Variants in PRKAG2 observed in about 807,000 individuals in gnomAD.
PRKAG2 encodes the protein protein kinase AMP-activated non-catalytic subunit gamma 2, also known as 5'-AMP-activated protein kinase subunit gamma-2.
PRKAG2 carries 26 observed loss-of-function variants against 69.6 expected under a neutral mutation model. The observed-to-expected ratio is 0.37, with a 90% confidence interval of 0.27 to 0.52. PRKAG2 has a LOEUF of 0.52. PRKAG2 is among the 20% of genes least tolerant of loss of function. PRKAG2 has a pLI of 0.90. For synonymous variants in PRKAG2, 293 were observed against 285.0 expected, an observed-to-expected ratio of 1.03 and a Z score of -0.28; for missense variants, 557 against 740.0, an observed-to-expected ratio of 0.75 and a Z score of 2.87.
chr7:151,811,444 C>T lies in PRKAG2; in HGVS notation c.115-24903G>A, dbSNP rs144661936. On this transcript the variant is annotated intron_variant, in intron 1 of 15. Coordinates refer to ENST00000287878, the MANE Select transcript of PRKAG2 (RefSeq NM_016203.4). ...CCTCTGGGGTGAAGAAGGAACACCC[C>T]CCAGTTCTTGGGCATCAGGTGCTTG... Among the ~76,000 whole-genome samples, 661 of 152,360 alleles carry T rather than the reference C, an allele frequency of 4.3e-3. 3 individuals carry two copies. Among genetic ancestry groups the T allele is most frequent in the Non-Finnish European group, 6.7e-3 (458 of 68,030 alleles).
chr7:151,815,503 C>A (rs1303869653), intron 1 of PRKAG2, among the ~76,000 whole-genome samples: 1 of 152,190 alleles, frequency 6.6e-6, no homozygotes, highest in Non-Finnish European at 1.5e-5. Flanking sequence ...CTAGGGACAG[C>A]CCCTGTACCC....
At chr7:151,736,362 G>C in intron 3 of PRKAG2, 1 of 1,038,530 alleles carries the variant, frequency 9.6e-7, no homozygotes, top group South Asian at 3.8e-5. Flanking sequence ...AAGGTCAGCT[G>C]CTCACTGATA....
intron 3 of PRKAG2, among the ~76,000 whole-genome samples, chr7:151,678,973 GA>G (rs1457750230): frequency 6.6e-6 from 1 of 151,196 alleles, no homozygotes; most frequent in Non-Finnish European, 1.5e-5. Flanking sequence ...CAAAAAAAAA[GA>G]AAAAAAAGAA....
intron 6 of PRKAG2, among the ~76,000 whole-genome samples, chr7:151,592,582 C>T (rs73727865): frequency 0.036 from 5,412 of 152,246 alleles, 307 homozygotes; most frequent in African/African-American, 0.12. Flanking sequence ...GCAAGTGGCT[C>T]GCCTTGGTCC....
At chr7:151,706,814 C>G (rs958874101) in intron 3 of PRKAG2, among the ~76,000 whole-genome samples, 4 of 152,228 alleles carry the variant, frequency 2.6e-5, no homozygotes, top group African/African-American at 9.6e-5. Flanking sequence ...CTTCTCCAAC[C>G]TGAGCCGGAG....
In PRKAG2 at chr7:151,699,120, T is replaced by C. The variant is rs537916274; in HGVS notation, c.467-23483A>G. ...TCTGGGGAGCACCCCTCAATGCCCT[T>C]AGGCCACCTTTCCTTCTCTGACCTC... is the stretch of plus-strand genomic sequence containing the variant. On this transcript the variant is annotated intron_variant, in intron 3 of 15. Transcript: ENST00000287878. This position sits in a 1 kb window ranked among gnomAD's most constrained non-coding sequence, Gnocchi z 4.5. Among the ~76,000 whole-genome samples, 33 of 152,014 alleles carry C rather than the reference T, an allele frequency of 2.2e-4. No individual in the cohort carries two copies. The highest frequency in any genetic ancestry group is 6.3e-4 in the African/African-American group (26 of 41,504).
rs115380919 is a variant in PRKAG2 at position 151,767,123 on chromosome 7, G to A, written c.466+14029C>T. Among the ~76,000 whole-genome samples the A allele has an allele frequency of 7.4e-3, 1,128 of 152,264 alleles. 10 individuals are homozygous for A. Among genetic ancestry groups the A allele is most frequent in the African/African-American group, 0.026 (1,081 of 41,534 alleles). ...TGGAAAAACCTCTGTGAAGATGAAG[G>A]CGGAGACTGGGGGCTGTGCTTCCAA... On this transcript the variant is annotated intron_variant, in intron 3 of 15. Coordinates refer to ENST00000287878, the MANE Select transcript of PRKAG2 (RefSeq NM_016203.4).
chr7:151,594,012 T>C (rs980178349), intron 6 of PRKAG2, among the ~76,000 whole-genome samples: 4 of 152,002 alleles, frequency 2.6e-5, no homozygotes, highest in Non-Finnish European at 5.9e-5. Flanking sequence ...GTGTGGGGCA[T>C]GGGAACAGAA....
At chr7:151,782,517 A>G (rs2076771223) in intron 2 of PRKAG2, among the ~76,000 whole-genome samples, 1 of 152,222 alleles carries the variant, frequency 6.6e-6, no homozygotes, top group Non-Finnish European at 1.5e-5. Flanking sequence ...GGCTTAAAAA[A>G]TTATCAGACC....
chr7:151,830,698 C>T (rs971463123), intron 1 of PRKAG2, among the ~76,000 whole-genome samples: 1 of 148,436 alleles, frequency 6.7e-6, no homozygotes, highest in Non-Finnish European at 1.5e-5. Context: ...CCTGAGGCCT[C>T]CTGCGGGATG....
chr7:151,654,188 G>A (rs1269086492), intron 4 of PRKAG2, among the ~76,000 whole-genome samples: 3 of 152,112 alleles, frequency 2.0e-5, no homozygotes, highest in African/African-American at 7.2e-5. Context: ...AACCAGGAAA[G>A]CCTTTCTTCC....
In PRKAG2 at chr7:151,671,733, T is replaced by C. The variant is rs1465637898; in HGVS notation, c.684+3687A>G. 3.9e-5 allele frequency among the ~76,000 whole-genome samples: 6 copies of C among 152,390 alleles called. No homozygotes were observed. The South Asian group carries it at 1.0e-3, about 26-fold the overall frequency. On this transcript the variant is annotated intron_variant, in intron 4 of 15. Coordinates refer to ENST00000287878, the MANE Select transcript of PRKAG2 (RefSeq NM_016203.4). ...CAGGATGCTGAAAGCAGAAAGGGCT[T>C]GAGCCAAACCTTGGCCACAGAGGCT...
chr7:151,833,042 C>A (rs1209734655), intron 1 of PRKAG2, among the ~76,000 whole-genome samples: 2 of 152,306 alleles, frequency 1.3e-5, no homozygotes, highest in Admixed American at 1.3e-4. Flanking sequence ...CTGGAAGATT[C>A]AGGAACAGAA....
intron 1 of PRKAG2, among the ~76,000 whole-genome samples, chr7:151,858,995 C>T (rs942665666): frequency 6.6e-6 from 1 of 152,198 alleles, no homozygotes; most frequent in African/African-American, 2.4e-5. Flanking sequence ...CATCCCTGGC[C>T]TCAGTGACTC....
intron 4 of PRKAG2, among the ~76,000 whole-genome samples, chr7:151,651,701 T>TAA (rs1309911686): frequency 6.6e-5 from 10 of 152,188 alleles, no homozygotes; most frequent in African/African-American, 2.4e-4. Flanking sequence ...AATGATATGG[T>TAA]GTCAGATTAC....
intron 3 of PRKAG2, among the ~76,000 whole-genome samples, chr7:151,747,423 G>A (rs953152282): frequency 1.3e-5 from 2 of 152,142 alleles, no homozygotes; most frequent in African/African-American, 2.4e-5. Flanking sequence ...CGGGCGTGGT[G>A]GCGGGCGCCT....
At chr7:151,703,435 G>A (rs117367208) in intron 3 of PRKAG2, among the ~76,000 whole-genome samples, 2,156 of 152,302 alleles carry the variant, frequency 0.014, 25 homozygotes, top group Non-Finnish European at 0.025. Flanking sequence ...GCTCCGTCAA[G>A]CCCTCAGTTG....
chr7:151,793,710 A>AG (rs1230860991), intron 1 of PRKAG2, among the ~76,000 whole-genome samples: 2 of 152,104 alleles, frequency 1.3e-5, no homozygotes, highest in East Asian at 3.9e-4. Flanking sequence ...GGCACGGGGG[A>AG]GGTGCCTCTG....
At chr7:151,671,422 A>C (rs1354145023) in intron 4 of PRKAG2, among the ~76,000 whole-genome samples, 1 of 152,216 alleles carries the variant, frequency 6.6e-6, no homozygotes, top group Non-Finnish European at 1.5e-5. Flanking sequence ...TAGCCAAATT[A>C]ACAGAATCAG....
Sources: gnomAD v4.1 joint callset for allele counts (sites outside exome capture counted in the v4.1 genomes callset) on GRCh38, gnomAD v4.1.1 for gene constraint, Gnocchi (gnomAD v3.1) non-coding constraint, MANE v1.5 for transcripts, NCBI Gene and HGNC (gene_info 2026-07-23, HGNC 2026-07-21) for gene names.